The following NTM variants were observed in gnomAD, a reference collection of about 807,000 sequenced individuals.
NTM encodes the protein neurotrimin, also known as IgLON family member 2.
In NTM, 13 loss-of-function variants were observed where a neutral mutation model predicts 42.1. The observed-to-expected ratio is 0.31, with a 90% CI of 0.20 to 0.49. The LOEUF is 0.49. NTM is among the 20% of genes least tolerant of loss of function. The pLI, the probability that NTM is intolerant of heterozygous loss-of-function variation, is 0.99. For synonymous variants in NTM, 187 were observed against 179.2 expected, an observed-to-expected ratio of 1.04 and a Z score of -0.35; for missense variants, 373 against 452.8, an observed-to-expected ratio of 0.82 and a Z score of 1.60.
At chr11:132,229,038 T>C (rs1279769697) in intron 4 of NTM, among the ~76,000 whole-genome samples, 1 of 152,152 alleles carries the variant, frequency 6.6e-6, no homozygotes, top group East Asian at 1.9e-4. Flanking sequence ...CTGCCTAAAA[T>C]GGTGAGATTC....
chr11:131,508,942 G>T (rs1316683465), intron 1 of NTM, among the ~76,000 whole-genome samples: 2 of 146,222 alleles, frequency 1.4e-5, no homozygotes, highest in Non-Finnish European at 1.5e-5. Context: ...GCTAGATGAC[G>T]AGTTACTGGG....
At chr11:131,532,900 C>T (rs2051511020) in intron 1 of NTM, among the ~76,000 whole-genome samples, 1 of 151,618 alleles carries the variant, frequency 6.6e-6, no homozygotes, top group African/African-American at 2.4e-5. Flanking sequence ...AAGTCCTTTC[C>T]TCTTTTTTAA....
chr11:131,934,492 T>G (rs998519062), intron 2 of NTM, among the ~76,000 whole-genome samples: 2 of 152,194 alleles, frequency 1.3e-5, no homozygotes, highest in African/African-American at 4.8e-5. Flanking sequence ...ATTGAAATTT[T>G]TATTATGTGC....
intron 4 of NTM, among the ~76,000 whole-genome samples, chr11:132,249,487 T>C (rs1288292476): frequency 6.6e-6 from 1 of 152,196 alleles, no homozygotes; most frequent in Admixed American, 6.5e-5. Context: ...ACGTGGGTTG[T>C]TTCCTTGTGT....
At chr11:131,732,507 T>C (rs897339125) in intron 1 of NTM, among the ~76,000 whole-genome samples, 1 of 152,180 alleles carries the variant, frequency 6.6e-6, no homozygotes, top group Non-Finnish European at 1.5e-5. Flanking sequence ...CAACAAACTT[T>C]CTCACTGTGA....
At position 131,741,255 on chromosome 11, in the gene NTM, G is replaced by A. The variant is rs530277563; in HGVS notation, c.83-170309G>A. On this transcript the variant is annotated intron_variant, in intron 1 of 8. Transcript: ENST00000683400. The stretch of plus-strand genomic sequence containing the variant: ...ACCTCCAAATAGCCCAAGTCCAGGG[G>A]CGGTAGCCTACCCAGAAGGGGCTGG... Among the ~76,000 whole-genome samples, 4 of 152,218 alleles carry A rather than the reference G, an allele frequency of 2.6e-5. No individual in the cohort carries two copies. The South Asian group carries it at 8.3e-4, about 32-fold the overall frequency.
At chr11:132,321,860 T>A (rs1325848426) in intron 7 of NTM, among the ~76,000 whole-genome samples, 1 of 145,856 alleles carries the variant, frequency 6.9e-6, no homozygotes, top group Non-Finnish European at 1.5e-5. Context: ...CAGAAGAGAG[T>A]GGGGGCCAAT....
intron 3 of NTM, among the ~76,000 whole-genome samples, chr11:132,160,792 A>G (rs922949911): frequency 3.3e-5 from 5 of 152,238 alleles, no homozygotes; most frequent in African/African-American, 1.2e-4. Context: ...AACCTTCTGG[A>G]CAAAAAATGA....
chr11:132,144,338 C>T (rs1238985554), intron 2 of NTM, among the ~76,000 whole-genome samples: 1 of 152,212 alleles, frequency 6.6e-6, no homozygotes, highest in Non-Finnish European at 1.5e-5. Flanking sequence ...GCGAAATCCC[C>T]AGGGGGCTCA....
intron 3 of NTM, among the ~76,000 whole-genome samples, chr11:132,154,654 C>A (rs1441176252): frequency 6.6e-6 from 1 of 152,128 alleles, no homozygotes; most frequent in African/African-American, 2.4e-5. Flanking sequence ...AGTCCCCAGC[C>A]CTCAGGTCCT....
intron 1 of NTM, among the ~76,000 whole-genome samples, chr11:131,513,591 G>A (rs2048526813): frequency 6.6e-6 from 1 of 152,214 alleles, no homozygotes; most frequent in African/African-American, 2.4e-5. Flanking sequence ...CAGATACAGG[G>A]AAGACAGAAT....
intron 1 of NTM, among the ~76,000 whole-genome samples, chr11:131,426,700 C>A (rs1005547997): frequency 6.6e-6 from 1 of 152,132 alleles, no homozygotes; most frequent in African/African-American, 2.4e-5. Flanking sequence ...TGTCAGAGCC[C>A]GAACTTCTGC....
chr11:131,457,475 TG>T (rs1950999306), intron 1 of NTM, among the ~76,000 whole-genome samples: 1 of 152,110 alleles, frequency 6.6e-6, no homozygotes, highest in Non-Finnish European at 1.5e-5. Context: ...AAGAAGCATT[TG>T]TATCTTCCTC....
At chr11:132,159,168 G>C (rs2073815377) in intron 3 of NTM, among the ~76,000 whole-genome samples, 1 of 152,158 alleles carries the variant, frequency 6.6e-6, no homozygotes, top group South Asian at 2.1e-4. Context: ...CTGTGTTCCT[G>C]ACCAGGAGAC....
chr11:131,413,646 G>C, intron 1 of NTM, among the ~76,000 whole-genome samples: 1 of 152,294 alleles, frequency 6.6e-6, no homozygotes, highest in East Asian at 1.9e-4. Context: ...TTAAATTAAG[G>C]CAGGCACACA....
chr11:131,661,130 T>G (rs771065061), intron 1 of NTM: 124 of 964,492 alleles, frequency 1.3e-4, no homozygotes, highest in Non-Finnish European at 1.7e-4. Context: ...ATTCCTTTCC[T>G]CAGGACGGAA....
At chr11:132,268,539 T>G (rs1227987198) in intron 4 of NTM, among the ~76,000 whole-genome samples, 2 of 152,022 alleles carry the variant, frequency 1.3e-5, no homozygotes, top group African/African-American at 4.8e-5. Flanking sequence ...TGTTTAGGTT[T>G]GGCTAATGGT....
chr11:131,749,852 A>C (rs555764292), intron 1 of NTM, among the ~76,000 whole-genome samples: 2 of 152,294 alleles, frequency 1.3e-5, no homozygotes, highest in South Asian at 4.1e-4. Context: ...TGCCCTCCTC[A>C]GCCTCCCAAA....
intron 4 of NTM, among the ~76,000 whole-genome samples, chr11:132,283,564 T>C (rs1414634769): frequency 6.6e-6 from 1 of 152,096 alleles, no homozygotes. Flanking sequence ...TATGCTTGAA[T>C]AACAATTTGG....
Sources: gnomAD v4.1 joint callset for allele counts (sites outside exome capture counted in the v4.1 genomes callset) on GRCh38, gnomAD v4.1.1 for gene constraint, MANE v1.5 for transcripts, NCBI Gene and HGNC (gene_info 2026-07-23, HGNC 2026-07-21) for gene names.